Variants in PRKCZ observed in about 807,000 individuals in gnomAD.
PRKCZ encodes protein kinase C zeta type.
PRKCZ carries 33 observed loss-of-function variants against 79.5 expected under a neutral mutation model. The ratio of observed to expected loss-of-function variants is 0.41; its 90% confidence interval spans 0.31 to 0.55. The LOEUF (loss-of-function observed/expected upper bound fraction) is 0.55, where lower values mean the gene tolerates loss of function less well. PRKCZ is among the 20% of genes least tolerant of loss of function. The probability of loss-of-function intolerance (pLI) is 0.19; values close to 1 mark genes in which losing one functional copy is unlikely to be tolerated. For missense variants in PRKCZ, 578 were observed against 813.5 expected (o/e 0.71, Z 3.52); for synonymous variants, 342 against 320.9 (o/e 1.07, Z -0.70).
At chr1:2,061,834 T>G (rs1453033003) in intron 4 of PRKCZ, among the ~76,000 whole-genome samples, 2 of 152,208 alleles carry the variant, frequency 1.3e-5, no homozygotes, top group East Asian at 3.9e-4. Context: ...TTTCTTTCAC[T>G]CTGACTGTGG....
At chr1:2,087,900 C>G (rs1161777951) in intron 4 of PRKCZ, among the ~76,000 whole-genome samples, 20 of 152,216 alleles carry the variant, frequency 1.3e-4, no homozygotes, top group Non-Finnish European at 8.8e-5. Context: ...CCAGGCAGGT[C>G]ACTGCCTGCA....
At chr1:2,053,827 G>A (rs1659913348) in intron 1 of PRKCZ, among the ~76,000 whole-genome samples, 1 of 152,250 alleles carries the variant, frequency 6.6e-6, no homozygotes, top group Non-Finnish European at 1.5e-5. Context: ...GGTGATGGGT[G>A]TGTGACCCCC....
intron 15 of PRKCZ, 87 bp from the exon 16 acceptor site, chr1:2,175,137 C>A: frequency 8.6e-7 from 1 of 1,161,702 alleles, no homozygotes; most frequent in South Asian, 1.3e-5. Context: ...GAGGGCTTGT[C>A]AGCACTGGGA....
intron 4 of PRKCZ, among the ~76,000 whole-genome samples, chr1:2,132,956 T>G (rs916693240): frequency 6.6e-6 from 1 of 152,056 alleles, no homozygotes; most frequent in African/African-American, 2.4e-5. Flanking sequence ...ACATTGGGGG[T>G]TAGGGCTCCC....
chr1:2,048,947 C>A (rs1487442579), upstream of PRKCZ, among the ~76,000 whole-genome samples: 2 of 152,150 alleles, frequency 1.3e-5, no homozygotes, highest in Non-Finnish European at 2.9e-5. Flanking sequence ...AGGTGGATCA[C>A]CTGAGGTCAG....
intron 4 of PRKCZ, among the ~76,000 whole-genome samples, chr1:2,107,691 G>A (rs771021618): frequency 7.8e-4 from 118 of 151,970 alleles, no homozygotes; most frequent in Non-Finnish European, 1.2e-3. Context: ...CAGGACTGCC[G>A]AAATCCCCTC....
chr1:2,131,688 C>G (rs1674982786), intron 4 of PRKCZ, among the ~76,000 whole-genome samples: 1 of 152,194 alleles, frequency 6.6e-6, no homozygotes. Context: ...TAAGCCCCAC[C>G]CAACTGCAGG....
chr1:2,083,574 T>TGGTTGAGCAGAACAC (rs1553137870), intron 4 of PRKCZ, among the ~76,000 whole-genome samples: 2 of 152,316 alleles, frequency 1.3e-5, no homozygotes, highest in Middle Eastern at 3.4e-3. Flanking sequence ...TTTTTGCATC[T>TGGTTGAGCAGAACAC]GGTTGAGCAG....
In PRKCZ at chr1:2,168,637, A is replaced by G. The variant is rs1683800701; in HGVS notation, c.975-881A>G. Reference sequence around the variant, plus strand: ...GGCAGGAGCAGGGACAGGTGCCTTGAGGCGTAACAGTGGCGGTGGTGTGGG... The same window carrying G: ...GGCAGGAGCAGGGACAGGTGCCTTGGGGCGTAACAGTGGCGGTGGTGTGGG... On this transcript the variant is annotated intron_variant, in intron 10 of 17. Coordinates refer to ENST00000378567, the MANE Select transcript of PRKCZ (RefSeq NM_002744.6). The surrounding 1 kb of genome is among the most constrained non-coding windows in gnomAD (Gnocchi z 4.7). 6.6e-6 allele frequency among the ~76,000 whole-genome samples: 1 copy of G among 152,070 alleles called. No homozygotes were observed. Among genetic ancestry groups the G allele is most frequent in the South Asian group, 2.1e-4 (1 of 4,820 alleles).
chr1:2,102,314 G>T (rs1557561539), intron 4 of PRKCZ, among the ~76,000 whole-genome samples: 2 of 143,768 alleles, frequency 1.4e-5, no homozygotes, highest in African/African-American at 2.6e-5. Flanking sequence ...TTTTTATTGC[G>T]TTTTTTTTTT....
intron 4 of PRKCZ, among the ~76,000 whole-genome samples, chr1:2,093,802 C>T (rs989635146): frequency 3.3e-5 from 5 of 152,182 alleles, no homozygotes; most frequent in Non-Finnish European, 7.3e-5. Context: ...TGCGGCCTGC[C>T]CCGCCTGTGC....
intron 4 of PRKCZ, among the ~76,000 whole-genome samples, chr1:2,111,137 C>T (rs1228076654): frequency 5.9e-5 from 9 of 151,760 alleles, no homozygotes; most frequent in Admixed American, 2.0e-4. Flanking sequence ...GAGGAGGAGC[C>T]GAGGTGGGTG....
rs767234034 is a variant in PRKCZ at position 2,177,291 on chromosome 1, G to A, written c.1575+1978G>A. Among the ~76,000 whole-genome samples, 1 of 152,118 alleles carries A rather than the reference G, an allele frequency of 6.6e-6. No homozygotes were observed. Among genetic ancestry groups the A allele is most frequent in the Non-Finnish European group, 1.5e-5 (1 of 68,012 alleles). On this transcript the variant is annotated intron_variant, in intron 16 of 17. Transcript: ENST00000378567. This position sits in a 1 kb window ranked among gnomAD's most constrained non-coding sequence, Gnocchi z 6.4. The stretch of plus-strand genomic sequence containing the variant: ...CGTAGCAGGTGCTTAGTAGAATTAC[G>A]TGAGGAGCCAGCATCCCCGCTCCCA...
chr1:2,088,758 C>T (rs1342725078), intron 4 of PRKCZ, among the ~76,000 whole-genome samples: 2 of 152,222 alleles, frequency 1.3e-5, no homozygotes, highest in African/African-American at 4.8e-5. Context: ...TCTTCACTCA[C>T]AGACTCCAGC....
chr1:2,142,707 G>A (rs958287820), intron 5 of PRKCZ: 1 of 163,860 alleles, frequency 6.1e-6, no homozygotes, highest in Non-Finnish European at 1.3e-5. Flanking sequence ...TGAAAGCGAT[G>A]ATGCATGTGT....
chr1:2,091,463 A>C (rs749005223), intron 4 of PRKCZ, among the ~76,000 whole-genome samples: 12 of 152,218 alleles, frequency 7.9e-5, no homozygotes, highest in African/African-American at 1.4e-4. Flanking sequence ...CATCTTGCAC[A>C]ACAGAACCTC....
At chr1:2,179,461 G>C (rs1686118042) in intron 16 of PRKCZ, among the ~76,000 whole-genome samples, 2 of 152,356 alleles carry the variant, frequency 1.3e-5, no homozygotes, top group South Asian at 2.1e-4. Context: ...ATCTGTGCTA[G>C]TGACTATCAG....
At chr1:2,100,587 G>A (rs1321065071) in intron 4 of PRKCZ, among the ~76,000 whole-genome samples, 3 of 152,240 alleles carry the variant, frequency 2.0e-5, no homozygotes, top group African/African-American at 4.8e-5. Flanking sequence ...CACAGAAAGT[G>A]GAGCCCGTCT....
intron 1 of PRKCZ, among the ~76,000 whole-genome samples, chr1:2,053,505 T>C (rs902561474): frequency 2.0e-5 from 3 of 152,306 alleles, no homozygotes; most frequent in African/African-American, 7.2e-5. Flanking sequence ...CCCAGCTGGC[T>C]GCTGGGTGCT....
Sources: allele counts gnomAD v4.1 joint callset (sites outside exome capture counted in the v4.1 genomes callset), GRCh38; gene constraint gnomAD v4.1.1; non-coding constraint Gnocchi (gnomAD v3.1); transcripts MANE v1.5; gene names NCBI Gene and HGNC (gene_info 2026-07-23, HGNC 2026-07-21).